Variants in LPCAT3 observed in about 807,000 individuals in gnomAD.
The protein encoded by LPCAT3 is lysophosphatidylcholine acyltransferase 3.
A neutral mutation model predicts 63.4 loss-of-function variants in LPCAT3; 21 were observed. That is an observed-to-expected ratio of 0.33 (90% confidence interval 0.23 to 0.48). The LOEUF is 0.48. Ranked by LOEUF, LPCAT3 falls within the 20% of genes least tolerant of loss-of-function variation. The probability of loss-of-function intolerance (pLI) is 0.99; values close to 1 mark genes in which losing one functional copy is unlikely to be tolerated. For synonymous variants in LPCAT3, 242 were observed against 227.5 expected (o/e 1.06, Z -0.58); for missense variants, 451 against 590.6 (o/e 0.76, Z 2.45).
chr12:6,980,849 C>T (rs1946463597), intron 6 of LPCAT3, 155 bp downstream of exon 6: 2 of 578,654 alleles, frequency 3.5e-6, no homozygotes, highest in South Asian at 8.7e-5. Flanking sequence ...TAAAAAGGGC[C>T]CACTCCTGGC....
At chr12:6,990,431 C>A (rs1207012587) in intron 1 of LPCAT3, among the ~76,000 whole-genome samples, 1 of 150,288 alleles carries the variant, frequency 6.7e-6, no homozygotes, top group African/African-American at 2.4e-5. Context: ...ATGGTGTGAA[C>A]CTGGGAGGCA....
intron 1 of LPCAT3, among the ~76,000 whole-genome samples, chr12:7,003,857 G>A (rs895044619): frequency 6.7e-6 from 1 of 149,570 alleles, no homozygotes; most frequent in South Asian, 2.1e-4. Flanking sequence ...GGGAAGCGGA[G>A]CTTGCAGTGA....
At chr12:6,997,050 G>A (rs1266570762) in intron 1 of LPCAT3, among the ~76,000 whole-genome samples, 1 of 152,110 alleles carries the variant, frequency 6.6e-6, no homozygotes, top group Non-Finnish European at 1.5e-5. Flanking sequence ...AGAAGGAAAA[G>A]GACAAATTAA....
rs781873384 is a variant in LPCAT3, at chr12:6,980,941, G to A, written c.677+63C>T. The A allele has an allele frequency of 2.7e-6, 4 of 1,470,490 alleles. No homozygotes were observed. The African/African-American group carries it at 4.3e-5, about 16-fold the overall frequency. The allele number at this position is 1,470,490 out of a possible 1,614,324, so 91.1% of individuals were successfully genotyped here. A position where few individuals can be genotyped will look rare whatever the true frequency, so the allele number is the denominator to read the frequency against. On this transcript the variant is annotated intron_variant, in intron 6 of 12. Coordinates refer to ENST00000261407, the MANE Select transcript of LPCAT3 (RefSeq NM_005768.6). ...GTCATGCTGGAGAATGCAGCTTTCA[G>A]AAGAGTCACTTCAGAGTGAGTGAAA...
At chr12:7,003,871 G>A (rs782227422) in intron 1 of LPCAT3, among the ~76,000 whole-genome samples, 41 of 147,846 alleles carry the variant, frequency 2.8e-4, no homozygotes, top group African/African-American at 9.1e-4. Context: ...GCAGTGAGCC[G>A]AGATTGCACC....
chr12:6,985,670 G>A (rs1197155640), intron 1 of LPCAT3, among the ~76,000 whole-genome samples: 13 of 151,984 alleles, frequency 8.6e-5, no homozygotes, highest in South Asian at 4.1e-4. Flanking sequence ...AGCTGAGATC[G>A]TGCCATTGCA....
intron 1 of LPCAT3, among the ~76,000 whole-genome samples, chr12:7,007,812 T>C (rs912660600): frequency 6.6e-6 from 1 of 152,188 alleles, no homozygotes; most frequent in African/African-American, 2.4e-5. Context: ...AAGCTTTTTA[T>C]TTTTAATTTA....
chr12:7,010,757 T>TA (rs1401071103), intron 1 of LPCAT3, among the ~76,000 whole-genome samples: 1 of 152,210 alleles, frequency 6.6e-6, no homozygotes, highest in Non-Finnish European at 1.5e-5. Context: ...TGTTTAACGA[T>TA]AAAGTTATAC....
chr12:6,994,152 T>C (rs1447420466), intron 1 of LPCAT3, among the ~76,000 whole-genome samples: 6 of 152,146 alleles, frequency 3.9e-5, no homozygotes, highest in African/African-American at 1.4e-4. Context: ...TGAACATATG[T>C]TTTTATGTTT....
chr12:6,997,702 T>C (rs1946650322), intron 1 of LPCAT3, among the ~76,000 whole-genome samples: 1 of 151,966 alleles, frequency 6.6e-6, no homozygotes, highest in Non-Finnish European at 1.5e-5. Flanking sequence ...TTCTCCTGCC[T>C]CAGCCTCCCA....
chr12:6,989,414 A>T (rs1197179884), intron 1 of LPCAT3, among the ~76,000 whole-genome samples: 1 of 146,176 alleles, frequency 6.8e-6, no homozygotes, highest in East Asian at 2.1e-4. Context: ...GGTTCACGCC[A>T]TTCTCCTGCC....
Position 7,016,525 on chromosome 12 carries a change from C to T in LPCAT3, c.151+1749G>A, listed in dbSNP as rs782141403. On this transcript the variant is annotated intron_variant, in intron 1 of 12. Coordinates refer to ENST00000261407, the MANE Select transcript of LPCAT3 (RefSeq NM_005768.6). ...CTCCTGACCTCAAGCGATCTGCCCA[C>T]CTTGGCCTCCCAAAATGCCAGGATT... is the stretch of plus-strand genomic sequence containing the variant. Among the ~76,000 whole-genome samples, 6 of 152,280 alleles carry T rather than the reference C, an allele frequency of 3.9e-5. No homozygotes were observed. The East Asian group carries it at 9.6e-4, about 24-fold the overall frequency.
chr12:7,011,117 C>T (rs782659645), intron 1 of LPCAT3, among the ~76,000 whole-genome samples: 8 of 152,182 alleles, frequency 5.3e-5, no homozygotes, highest in African/African-American at 1.4e-4. Context: ...CTGAGTTGAG[C>T]GGAGGACCCC....
At chr12:6,981,244 T>C in intron 5 of LPCAT3, 62 bp from the exon 6 acceptor site, 2 of 1,373,876 alleles carry the variant, frequency 1.5e-6, no homozygotes, top group Non-Finnish European at 1.0e-6. Context: ...AGAGCCACTT[T>C]GAGTGTTCCC....
In LPCAT3 at chr12:7,018,286, A is replaced by T; in HGVS notation, c.139T>A (p.Ser47Thr). 6.2e-7 allele frequency: 1 copy of T among 1,603,664 alleles called. No homozygotes were observed. The highest frequency in any genetic ancestry group is 8.5e-7 in the Non-Finnish European group (1 of 1,175,592). Residue 47 changes from serine (S) to threonine (T), a missense_variant, in exon 1 of 13, where the codon TCC becomes ACC. Physicochemically the swap from Ser to Thr is moderately conservative, Grantham distance 58 (BLOSUM62 1). Transcript: ENST00000261407. This position sits in a 1 kb window ranked among gnomAD's most constrained non-coding sequence, Gnocchi z 4.9. ...GGAGGGTCCTTACCCAGGAAGATGG[A>T]GATGATCAGCCGCAGCGCCTGTTCT... ...ASEQALRLII[S>T]IFLGYPFALF...
chr12:6,979,621 G>A lies in LPCAT3; in HGVS notation c.678-42C>T, dbSNP rs1555153810. ...GAAGTTCCTGGTCACAGAGAGCAGA[G>A]ACTATTCCCTTCACCCTCTGACCTT... On this transcript the variant is annotated intron_variant, in intron 6 of 12. Transcript: ENST00000261407. 3 of 1,364,558 alleles carry A rather than the reference G, an allele frequency of 2.2e-6. No individual in the cohort carries two copies. In the Admixed American group the frequency reaches 5.1e-5, roughly 23 times the overall value. 84.5% of individuals were successfully genotyped at this position (1,364,558 alleles called of 1,614,324 possible).
intron 1 of LPCAT3, among the ~76,000 whole-genome samples, chr12:6,993,569 A>G (rs1218333896): frequency 3.3e-5 from 5 of 152,304 alleles, no homozygotes; most frequent in Middle Eastern, 3.4e-3. Context: ...GAGCCTGGCA[A>G]CCATTCATCT....
chr12:6,984,649 C>T lies in LPCAT3; in HGVS notation c.152-1110G>A, dbSNP rs113786139. On this transcript the variant is annotated intron_variant, in intron 1 of 12. Transcript: ENST00000261407. ...TCACCCAGGCTGGAGTGCAGTGGCA[C>T]GATCATCGCTCACTGCAGCCTTGAC... Among the ~76,000 whole-genome samples, 379 of 152,322 alleles carry T rather than the reference C, an allele frequency of 2.5e-3. 3 individuals carry two copies. The highest frequency in any genetic ancestry group is 8.1e-3 in the African/African-American group (336 of 41,572).
chr12:6,996,851 C>T (rs782135545), intron 1 of LPCAT3, among the ~76,000 whole-genome samples: 4 of 152,214 alleles, frequency 2.6e-5, no homozygotes, highest in East Asian at 3.9e-4. Context: ...GAAGAGATGA[C>T]GGCATTCCAA....
Sources: gnomAD v4.1 joint callset for allele counts (sites outside exome capture counted in the v4.1 genomes callset) on GRCh38, gnomAD v4.1.1 for gene constraint, Gnocchi (gnomAD v3.1) non-coding constraint, MANE v1.5 for transcripts, NCBI Gene and HGNC (gene_info 2026-07-23, HGNC 2026-07-21) for gene names.